The following SPAG17 variants were observed in gnomAD, a reference collection of about 807,000 sequenced individuals.
The protein encoded by SPAG17 is sperm-associated antigen 17.
Under a neutral mutation model 273.6 loss-of-function variants are expected in SPAG17, and 169 were observed. The ratio of observed to expected loss-of-function variants is 0.62; its 90% CI spans 0.55 to 0.70. The LOEUF (loss-of-function observed/expected upper bound fraction) is 0.70. Among genes scored for constraint, SPAG17 ranks in the 30% least tolerant of loss-of-function variants. The pLI is 0.00. For synonymous variants in SPAG17, 825 were observed against 873.2 expected (o/e 0.94, Z 0.97); for missense variants, 2,557 against 2,627.8 (o/e 0.97, Z 0.59).
At chr1:118,094,139 C>G (rs1054501176) in intron 7 of SPAG17, among the ~76,000 whole-genome samples, 12 of 152,180 alleles carry the variant, frequency 7.9e-5, no homozygotes, top group African/African-American at 2.7e-4. Flanking sequence ...TATGGTGCAC[C>G]TGGTTGCTGG....
intron 10 of SPAG17, among the ~76,000 whole-genome samples, chr1:118,089,355 G>GTGTGTGTGTGT (rs10527094): frequency 2.2e-5 from 3 of 137,930 alleles, no homozygotes; most frequent in East Asian, 2.4e-4. Context: ...GTGTGTGTGT[G>GTGTGTGTGTGT]GTGGCAGGTA....
In SPAG17 at chr1:118,009,248, AACACACAC is replaced by A. The variant is rs55873088; in HGVS notation, c.4433-1058_4433-1051del. 9.5e-4 allele frequency among the ~76,000 whole-genome samples: 135 copies of A among 142,690 alleles called. 1 individual carries two copies. Among genetic ancestry groups the A allele is most frequent in the South Asian group, 7.8e-3 (34 of 4,384 alleles). The allele number at this position is 142,690 out of a possible 152,430, so 93.6% of individuals were successfully genotyped here. A position where few individuals can be genotyped will look rare whatever the true frequency, so the allele number is the denominator to read the frequency against. ...AAGAGTGTAGACTTTAGGTGCTCAT[AACACACAC>A]ACACACACACACACACACACACACA... On this transcript the variant is annotated intron_variant, in intron 30 of 48. Coordinates refer to ENST00000336338, the MANE Select transcript of SPAG17 (RefSeq NM_206996.4).
Position 117,984,740 on chromosome 1 carries a change from C to A in SPAG17, c.5712G>T (p.Lys1904Asn), listed in dbSNP as rs753068509. Residue 1904 changes from lysine (K) to asparagine (N), a missense_variant, in exon 41 of 49, where the codon AAG becomes AAT. Physicochemically the swap from Lys to Asn is moderately conservative, Grantham distance 94. Transcript: ENST00000336338. ...TAAAAAAGGGTGGTATTATGCGGTT[C>A]TTAATATCCATTAGGTAATTCTGTG... ...ETTQNYLMDI[K>N]NRIIPPFFKS... 14 of 1,611,472 alleles carry A rather than the reference C, an allele frequency of 8.7e-6. No homozygotes were observed. Among genetic ancestry groups the A allele is most frequent in the African/African-American group, 1.3e-5 (1 of 74,862 alleles).
intron 3 of SPAG17, among the ~76,000 whole-genome samples, chr1:118,118,361 G>A (rs1657215771): frequency 6.6e-6 from 1 of 152,160 alleles, no homozygotes; most frequent in Admixed American, 6.5e-5. Flanking sequence ...TATAGTTATA[G>A]GGGGGATGAG....
At position 118,122,153 on chromosome 1, in the gene SPAG17, C is replaced by CTGTGTG. The variant is rs34125128; in HGVS notation, c.316-6718_316-6713dup. Among the ~76,000 whole-genome samples, 397 of 149,256 alleles carry CTGTGTG rather than the reference C, an allele frequency of 2.7e-3. 1 individual carries two copies. Among genetic ancestry groups the CTGTGTG allele is most frequent in the African/African-American group, 8.9e-3 (362 of 40,740 alleles). On this transcript the variant is annotated intron_variant, in intron 3 of 48. Coordinates refer to ENST00000336338, the MANE Select transcript of SPAG17 (RefSeq NM_206996.4). Reference sequence around the variant, plus strand: ...ATTGCCCCAATGTGTGTCTGTGTGTCTGTGTGTGTGTGTGTGTGTGTGTGT... The same window carrying CTGTGTG: ...ATTGCCCCAATGTGTGTCTGTGTGTCTGTGTGTGTGTGTGTGTGTGTGTGTGTGTGT...
intron 4 of SPAG17, among the ~76,000 whole-genome samples, chr1:118,105,384 A>G (rs1404537783): frequency 6.6e-6 from 1 of 152,164 alleles, no homozygotes; most frequent in Non-Finnish European, 1.5e-5. Context: ...AGTCTGTTTA[A>G]TTGTGTGAAT....
At chr1:118,005,834 C>T (rs559589113) in intron 31 of SPAG17, among the ~76,000 whole-genome samples, 3 of 152,264 alleles carry the variant, frequency 2.0e-5, no homozygotes, top group African/African-American at 7.2e-5. Flanking sequence ...CTTATCTGCT[C>T]GCTTTAATAT....
At position 117,991,551 on chromosome 1, in the gene SPAG17, A is replaced by G. The variant is rs767804433; in HGVS notation, c.5362-23T>C. The stretch of plus-strand genomic sequence containing the variant: ...ATCCTAAATCAGCAGAATAAAATAC[A>G]TAGACAAAAACTAGGAATTAGGAAG... On this transcript the variant is annotated intron_variant, in intron 36 of 48. Coordinates refer to ENST00000336338, the MANE Select transcript of SPAG17 (RefSeq NM_206996.4). The G allele has an allele frequency of 3.5e-6, 5 of 1,434,226 alleles. No individual in the cohort carries two copies. In the African/African-American group the frequency reaches 5.7e-5, roughly 16 times the overall value. The allele number at this position is 1,434,226 out of a possible 1,614,324, so 88.8% of individuals were successfully genotyped here.
chr1:118,049,523 C>G (rs561485100), intron 20 of SPAG17, among the ~76,000 whole-genome samples: 5 of 152,088 alleles, frequency 3.3e-5, no homozygotes, highest in Admixed American at 6.6e-5. Flanking sequence ...ACTCAAATAT[C>G]CTTTCATAAT....
At chr1:118,126,060 A>ATTTTTTTTTTTTTTTT (rs1657707450) in intron 3 of SPAG17, among the ~76,000 whole-genome samples, 1 of 63,336 alleles carries the variant, frequency 1.6e-5, no homozygotes. Context: ...TTTTTTTTTG[A>ATTTTTTTTTTTTTTTT]TAATAGCCAT....
chr1:118,037,820 G>T (rs1425159547), intron 23 of SPAG17, among the ~76,000 whole-genome samples: 1 of 152,108 alleles, frequency 6.6e-6, no homozygotes, highest in African/African-American at 2.4e-5. Context: ...TATATGTAAA[G>T]AATTTGTGAA....
chr1:118,074,133 A>G (rs571969744), intron 16 of SPAG17, among the ~76,000 whole-genome samples, 166 bp from the exon 17 acceptor site: 31 of 152,158 alleles, frequency 2.0e-4, no homozygotes, highest in African/African-American at 7.5e-4. Context: ...CAAAAAGAGT[A>G]TGCCTTTGAC....
intron 10 of SPAG17, among the ~76,000 whole-genome samples, chr1:118,090,383 A>G (rs1655286849): frequency 6.6e-6 from 1 of 152,248 alleles, no homozygotes; most frequent in Admixed American, 6.5e-5. Context: ...TCAGTAAATA[A>G]TGGAAATCAA....
At chr1:118,004,428 G>A (rs1177025486) in intron 32 of SPAG17, among the ~76,000 whole-genome samples, 3 of 152,224 alleles carry the variant, frequency 2.0e-5, no homozygotes, top group African/African-American at 7.2e-5. Flanking sequence ...CAGAGGTGGA[G>A]ACTAGAGGCA....
At chr1:118,052,155 TTATAA>T (rs1651129213) in intron 20 of SPAG17, among the ~76,000 whole-genome samples, 1 of 146,842 alleles carries the variant, frequency 6.8e-6, no homozygotes, top group African/African-American at 2.5e-5. Flanking sequence ...ATATATACTA[TTATAA>T]TATATAAACT....
Position 118,122,372 on chromosome 1 carries a change from A to T in SPAG17, c.316-6931T>A, listed in dbSNP as rs190260445. 5.9e-5 allele frequency among the ~76,000 whole-genome samples: 9 copies of T among 152,340 alleles called. No homozygotes were observed. In the East Asian group the frequency reaches 1.7e-3, roughly 29 times the overall value. On this transcript the variant is annotated intron_variant, in intron 3 of 48. Coordinates refer to ENST00000336338, the MANE Select transcript of SPAG17 (RefSeq NM_206996.4). ...CAAGATATGATTAATCAGTTGCGGA[A>T]GCCATAACTACATATGTGCAACTTA...
chr1:118,158,770 C>T (rs1323321948), intron 1 of SPAG17, among the ~76,000 whole-genome samples: 2 of 152,208 alleles, frequency 1.3e-5, no homozygotes, highest in Non-Finnish European at 2.9e-5. Context: ...TATATATACA[C>T]ACCCAGAGGC....
intron 48 of SPAG17, chr1:117,954,694 G>A (rs1651908795): frequency 2.7e-6 from 4 of 1,492,960 alleles, no homozygotes; most frequent in Admixed American, 3.7e-5. Flanking sequence ...AAGAAAGGAA[G>A]TAGAGGCATT....
chr1:118,067,638 A>G (rs1653117116), intron 17 of SPAG17, among the ~76,000 whole-genome samples: 1 of 152,196 alleles, frequency 6.6e-6, no homozygotes, highest in African/African-American at 2.4e-5. Context: ...CAGGCATGGC[A>G]TTTTGGCATG....
Sources: allele counts gnomAD v4.1 joint callset (sites outside exome capture counted in the v4.1 genomes callset), GRCh38; gene constraint gnomAD v4.1.1; transcripts MANE v1.5; gene names NCBI Gene and HGNC (gene_info 2026-07-23, HGNC 2026-07-21).